Variants in PDE4DIP observed in about 807,000 individuals in gnomAD.
PDE4DIP encodes phosphodiesterase 4D interacting protein, also known as myomegalin.
Under a neutral mutation model 221.4 loss-of-function variants are expected in PDE4DIP, and 59 were observed. That is an observed-to-expected ratio of 0.27 (90% CI 0.22 to 0.33). The LOEUF (loss-of-function observed/expected upper bound fraction) is 0.33. Ranked by LOEUF, PDE4DIP falls within the 10% of genes least tolerant of loss-of-function variation. PDE4DIP has a pLI of 1.00. For missense variants in PDE4DIP, 1,036 were observed against 2,154.2 expected, an observed-to-expected ratio of 0.48 and a Z score of 10.28; for synonymous variants, 404 against 815.9, an observed-to-expected ratio of 0.50 and a Z score of 8.60.
At chr1:148,958,112 A>T (rs2055849878) in intron 5 of PDE4DIP, among the ~76,000 whole-genome samples, 1 of 128,030 alleles carries the variant, frequency 7.8e-6, no homozygotes, top group Admixed American at 7.4e-5. Context: ...GCTTCCTGTT[A>T]TACTCACAAC....
At chr1:148,884,704 G>A (rs1421783238), upstream of PDE4DIP, among the ~76,000 whole-genome samples, 168 of 151,652 alleles carry the variant, frequency 1.1e-3, no homozygotes, top group Admixed American at 2.0e-3. Context: ...TGCTCACCTG[G>A]GCCTCCCAAA....
chr1:148,992,330 C>T (rs2063300285), intron 22 of PDE4DIP: 2 of 1,588,660 alleles, frequency 1.3e-6, no homozygotes, highest in Admixed American at 1.8e-5. Flanking sequence ...TGAAACGCAC[C>T]ACAGAAGACA....
rs2074854800 is a variant in PDE4DIP at position 149,025,407 on chromosome 1, G to T, written c.6325+723G>T. On this transcript the variant is annotated intron_variant, in intron 38 of 43. Transcript: ENST00000369354. ...GAAACAGGGCTCTGGGGAAGTCCTGGATGGTGGGTGATTTATTTCGGGTGG... is the reference window on the plus strand; with the variant it reads ...GAAACAGGGCTCTGGGGAAGTCCTGTATGGTGGGTGATTTATTTCGGGTGG... Among the ~76,000 whole-genome samples the T allele has an allele frequency of 3.9e-5, 6 of 151,912 alleles. No homozygotes were observed. The South Asian group carries it at 1.2e-3, about 32-fold the overall frequency.
At chr1:148,999,799 ACT>A (rs2065187818) in intron 23 of PDE4DIP, among the ~76,000 whole-genome samples, 1 of 152,052 alleles carries the variant, frequency 6.6e-6, no homozygotes, top group South Asian at 2.1e-4. Flanking sequence ...CTAACCTGAA[ACT>A]CTGATTTGTT....
At chr1:148,948,080 A>C (rs1448801500) in intron 5 of PDE4DIP, among the ~76,000 whole-genome samples, 1 of 141,860 alleles carries the variant, frequency 7.0e-6, no homozygotes, top group Non-Finnish European at 1.5e-5. Flanking sequence ...TTCATTGTAG[A>C]TTAGGAAATT....
chr1:149,008,581 TA>T, intron 29 of PDE4DIP, 86 bp downstream of exon 32: 1 of 360,384 alleles, frequency 2.8e-6, no homozygotes, highest in Non-Finnish European at 4.7e-6. Flanking sequence ...TCAAGGGGAA[TA>T]AAGCAAAGTG....
rs1247339778 is a variant in PDE4DIP, at chr1:148,990,118, A to C, written c.2816-1767A>C. On this transcript the variant is annotated intron_variant, in intron 21 of 43. Transcript: ENST00000369354. Reference sequence around the variant, plus strand: ...AGGAAACCTAAGCTGTTATCACAGCATACTTACTACCTCTTAGCACTTCCA... The same window carrying C: ...AGGAAACCTAAGCTGTTATCACAGCCTACTTACTACCTCTTAGCACTTCCA... The C allele has an allele frequency of 6.8e-6, 4 of 585,432 alleles. No individual in the cohort carries two copies. In the African/African-American group the frequency reaches 8.1e-5, roughly 12 times the overall value. 36.3% of individuals were successfully genotyped at this position (585,432 alleles called of 1,614,324 possible). A position where few individuals can be genotyped will look rare whatever the true frequency, so the allele number is the denominator to read the frequency against.
chr1:148,926,597 G>A (rs1307983761), intron 1 of PDE4DIP, among the ~76,000 whole-genome samples: 11 of 145,140 alleles, frequency 7.6e-5, no homozygotes, highest in African/African-American at 2.8e-4. Flanking sequence ...TCCTTTACAT[G>A]TATTGATTTA....
intron 41 of PDE4DIP, among the ~76,000 whole-genome samples, chr1:149,029,130 C>G (rs1553633455): frequency 6.6e-6 from 1 of 152,154 alleles, no homozygotes; most frequent in Non-Finnish European, 1.5e-5. Context: ...GCCTTTTTAG[C>G]CACTGCCTGG....
chr1:148,972,252 G>A, exon 15 of PDE4DIP: 1 of 1,606,978 alleles, frequency 6.2e-7, no homozygotes, highest in Non-Finnish European at 8.5e-7. Flanking sequence ...CCAATATTTA[G>A]GAGGGAGAGA....
At chr1:148,955,480 T>G (rs1254853474) in intron 5 of PDE4DIP, among the ~76,000 whole-genome samples, 1 of 152,180 alleles carries the variant, frequency 6.6e-6, no homozygotes, top group Non-Finnish European at 1.5e-5. Flanking sequence ...ATTTTAAAGA[T>G]CATCTTCAGG....
chr1:148,864,545 T>A (rs1685755373), intron 2 of PDE4DIP, among the ~76,000 whole-genome samples: 1 of 107,146 alleles, frequency 9.3e-6, no homozygotes, highest in Non-Finnish European at 1.9e-5. Context: ...GTTCTTTGCC[T>A]TTTTCATAAC....
chr1:148,927,409 T>C (rs1390609752), intron 1 of PDE4DIP, among the ~76,000 whole-genome samples: 1 of 152,058 alleles, frequency 6.6e-6, no homozygotes, highest in Non-Finnish European at 1.5e-5. Context: ...GCTCTAAAAT[T>C]CTTTAATTCT....
chr1:148,859,562 C>G (rs1683104206), intron 1 of PDE4DIP, among the ~76,000 whole-genome samples: 1 of 152,126 alleles, frequency 6.6e-6, no homozygotes, highest in Admixed American at 6.5e-5. Context: ...TTCATTTATA[C>G]AGAAAAAGCA....
At chr1:148,987,931 T>A (rs1358275815) in intron 21 of PDE4DIP, among the ~76,000 whole-genome samples, 5 of 152,272 alleles carry the variant, frequency 3.3e-5, no homozygotes, top group Non-Finnish European at 7.4e-5. Flanking sequence ...AAAGAGGTCA[T>A]GAAGTTCCCC....
chr1:148,979,895 A>G lies in PDE4DIP; in HGVS notation c.2687+46A>G, dbSNP rs184896327. 36 of 1,590,542 alleles carry G rather than the reference A, an allele frequency of 2.3e-5. No individual in the cohort carries two copies. The African/African-American group carries it at 2.3e-4, about 10-fold the overall frequency. ...TCTTTTATTCTTTATTGAAATTTTTATTTCTTTTACTATTGTATTTATGCC... is the reference window on the plus strand; with the variant it reads ...TCTTTTATTCTTTATTGAAATTTTTGTTTCTTTTACTATTGTATTTATGCC... On this transcript the variant is annotated intron_variant, in intron 20 of 43. Coordinates refer to ENST00000369354, the Ensembl canonical transcript of PDE4DIP.
intron 20 of PDE4DIP, among the ~76,000 whole-genome samples, chr1:148,980,273 T>A (rs2152210353): frequency 1.3e-5 from 2 of 152,250 alleles, no homozygotes; most frequent in East Asian, 3.9e-4. Flanking sequence ...GCGCCTGTAG[T>A]CCCAGCTACT....
rs1454638974 is a variant in PDE4DIP at position 148,930,466 on chromosome 1, G to A, written c.218+1193G>A. 4 of 150,802 alleles carry A rather than the reference G, an allele frequency of 2.7e-5. No homozygotes were observed. In the East Asian group the frequency reaches 5.9e-4, roughly 22 times the overall value. The allele number at this position is 150,802 out of a possible 1,614,324, so 9.3% of individuals were successfully genotyped here. On this transcript the variant is annotated intron_variant, in intron 2 of 43. Coordinates refer to ENST00000369354, the Ensembl canonical transcript of PDE4DIP. The stretch of plus-strand genomic sequence containing the variant: ...CGGGAGGCGGAGCTTGCAGTGAGCC[G>A]AGATCATGCCACTGCACTCCAGCCT...
At chr1:148,994,569 A>G (rs2063761632) in intron 22 of PDE4DIP, among the ~76,000 whole-genome samples, 1 of 146,674 alleles carries the variant, frequency 6.8e-6, no homozygotes. Context: ...GTATACATTT[A>G]TGGGGTATAT....
Sources: allele counts gnomAD v4.1 joint callset (sites outside exome capture counted in the v4.1 genomes callset), GRCh38; gene constraint gnomAD v4.1.1; transcripts MANE v1.5; gene names NCBI Gene and HGNC (gene_info 2026-07-23, HGNC 2026-07-21).